TENM1: variants seen among roughly 807,000 people sequenced by gnomAD.
TENM1 encodes the protein teneurin-1.
Under a neutral mutation model 174.8 loss-of-function variants are expected in TENM1, and 35 were observed. That is an observed-to-expected ratio of 0.20 (90% CI 0.15 to 0.27). The LOEUF (loss-of-function observed/expected upper bound fraction) is 0.27, where lower values mean the gene tolerates loss of function less well. TENM1 is among the 10% of genes least tolerant of loss of function. The pLI is 1.00. For missense variants in TENM1, 1,633 were observed against 2,130.1 expected (o/e 0.77, Z 4.59); for synonymous variants, 781 against 798.7 (o/e 0.98, Z 0.37).
intron 3 of TENM1, among the ~76,000 whole-genome samples, chrX:124,778,694 C>G (rs960879411): frequency 9.0e-6 from 1 of 111,651 alleles, no homozygotes; most frequent in Non-Finnish European, 1.9e-5. Context: ...ACTCAATCAC[C>G]TCAAGGAAGA....
intron 3 of TENM1, among the ~76,000 whole-genome samples, chrX:124,874,160 C>A (rs1422104424): frequency 9.0e-6 from 1 of 111,549 alleles, no homozygotes; most frequent in African/African-American, 3.2e-5. Context: ...ACTGCTGGAT[C>A]AAAGAAGATA....
intron 9 of TENM1, among the ~76,000 whole-genome samples, 155 bp from the exon 13 acceptor site, chrX:124,645,492 A>AT (rs1178017046): frequency 3.1e-4 from 35 of 112,133 alleles, no homozygotes; most frequent in African/African-American, 1.1e-3. Context: ...TACAAACAGA[A>AT]TTTTCCTCTT....
chrX:125,094,648 C>T, the TENM1 span, among the ~76,000 whole-genome samples: 1 of 111,726 alleles, frequency 9.0e-6, no homozygotes, highest in East Asian at 2.8e-4. Context: ...CATTTCAGCC[C>T]AATGTGGTGT....
chrX:124,551,201 T>C (rs758622995), intron 14 of TENM1, among the ~76,000 whole-genome samples: 86 of 111,930 alleles, frequency 7.7e-4, no homozygotes, highest in East Asian at 3.9e-3. Context: ...AAAGATGAGA[T>C]TGGGTGCACT....
At chrX:124,481,812 C>T (rs777642914) in exon 22 of TENM1, 4 of 1,203,093 alleles carry the variant, frequency 3.3e-6, no homozygotes, top group Non-Finnish European at 4.5e-6. Flanking sequence ...GCACTGATCA[C>T]CAGTTCCTGC....
At chrX:124,667,543 T>C (rs112535291) in intron 6 of TENM1, among the ~76,000 whole-genome samples, 89 of 107,169 alleles carry the variant, frequency 8.3e-4, no homozygotes, top group African/African-American at 2.9e-3. Flanking sequence ...TGAGCCGAGA[T>C]TGCACCACTG....
At chrX:124,965,395 T>TA (rs2058714251), upstream of TENM1, among the ~76,000 whole-genome samples, 1 of 111,604 alleles carries the variant, frequency 9.0e-6, no homozygotes, top group African/African-American at 3.3e-5. Flanking sequence ...GGCTGATTTT[T>TA]TAAAAAAGGC....
At chrX:124,471,272 C>T (rs2061309116) in intron 22 of TENM1, among the ~76,000 whole-genome samples, 1 of 50,685 alleles carries the variant, frequency 2.0e-5, no homozygotes, top group Non-Finnish European at 3.1e-5. Context: ...ATATATAGTA[C>T]TATATATAAT....
chrX:124,518,239 C>G (rs147377190), intron 18 of TENM1, among the ~76,000 whole-genome samples: 1,497 of 109,927 alleles, frequency 0.014, 14 homozygotes, highest in Non-Finnish European at 0.023. Flanking sequence ...GGGATAAATA[C>G]CCTGAGTTTG....
chrX:124,627,932 G>A (rs772443240), intron 11 of TENM1, among the ~76,000 whole-genome samples: 21 of 111,394 alleles, frequency 1.9e-4, no homozygotes, highest in Non-Finnish European at 3.8e-4. Context: ...TTATCGTTAG[G>A]TATTTAATTA....
At chrX:125,031,932 C>A in the TENM1 span, among the ~76,000 whole-genome samples, 19 of 111,274 alleles carry the variant, frequency 1.7e-4, no homozygotes, top group Non-Finnish European at 3.0e-4. Context: ...TCCATTGGTA[C>A]TAGAAGGGCA....
chrX:124,934,065 T>A (rs901796348), intron 1 of TENM1, among the ~76,000 whole-genome samples: 2 of 112,199 alleles, frequency 1.8e-5, no homozygotes, highest in East Asian at 5.6e-4. Context: ...TGTATGTGGA[T>A]TACATATTTT....
At chrX:124,897,808 C>A (rs991117389) in intron 1 of TENM1, among the ~76,000 whole-genome samples, 4 of 112,197 alleles carry the variant, frequency 3.6e-5, no homozygotes, top group African/African-American at 1.3e-4. Context: ...GAGTAGTATT[C>A]AAAAAATAGT....
At chrX:124,586,535 T>C (rs1378366366) in intron 11 of TENM1, among the ~76,000 whole-genome samples, 37 of 111,175 alleles carry the variant, frequency 3.3e-4, no homozygotes, top group African/African-American at 1.2e-3. Flanking sequence ...ATGGGACCTA[T>C]CTCAAAATAA....
chrX:125,052,367 C>T, the TENM1 span, among the ~76,000 whole-genome samples: 1 of 111,728 alleles, frequency 9.0e-6, no homozygotes, highest in South Asian at 3.7e-4. Context: ...TCTTGCATTG[C>T]CAGAAACGAG....
chrX:124,825,978 T>G, intron 3 of TENM1, among the ~76,000 whole-genome samples: 1 of 112,572 alleles, frequency 8.9e-6, no homozygotes, highest in Non-Finnish European at 1.9e-5. Flanking sequence ...TAAGTTTTTC[T>G]GTAAATTAAT....
the TENM1 span, among the ~76,000 whole-genome samples, chrX:125,009,782 C>T: frequency 9.0e-6 from 1 of 111,649 alleles, no homozygotes; most frequent in Non-Finnish European, 1.9e-5. Flanking sequence ...TGACAAAAAC[C>T]ACATGATTAT....
chrX:124,976,868 T>G, the TENM1 span, among the ~76,000 whole-genome samples: 1 of 112,294 alleles, frequency 8.9e-6, no homozygotes, highest in African/African-American at 3.2e-5. Flanking sequence ...GCAGGAAATT[T>G]GCTGACTTCC....
At chrX:124,613,995 G>A (rs2050337522) in intron 11 of TENM1, among the ~76,000 whole-genome samples, 1 of 111,656 alleles carries the variant, frequency 9.0e-6, no homozygotes, top group Non-Finnish European at 1.9e-5. Context: ...GGCCTATGGA[G>A]GACTCTGGCA....
Sources: allele counts gnomAD v4.1 joint callset (sites outside exome capture counted in the v4.1 genomes callset), GRCh38; gene constraint gnomAD v4.1.1; transcripts MANE v1.5; gene names NCBI Gene and HGNC (gene_info 2026-07-23, HGNC 2026-07-21).